BEND2: variants seen among roughly 807,000 people sequenced by gnomAD.
The protein encoded by BEND2 is BEN domain-containing protein 2.
In BEND2, 19 loss-of-function variants were observed where a neutral mutation model predicts 43.8. The observed-to-expected ratio is 0.43, with a 90% CI of 0.30 to 0.64. The LOEUF (loss-of-function observed/expected upper bound fraction) is 0.64. Ranked by LOEUF, BEND2 falls within the 30% of genes least tolerant of loss-of-function variation. BEND2 has a pLI of 0.11. For synonymous variants in BEND2, 226 were observed against 210.1 expected (o/e 1.08, Z -0.66); for missense variants, 544 against 574.0 (o/e 0.95, Z 0.53).
At chrX:18,194,716 G>GA (rs1460793524) in intron 7 of BEND2, among the ~76,000 whole-genome samples, 3 of 110,591 alleles carry the variant, frequency 2.7e-5, no homozygotes, top group East Asian at 2.8e-4. Flanking sequence ...TAAGCTGAGT[G>GA]AAAAAAAATC....
chrX:18,195,434 T>C lies in BEND2; in HGVS notation c.1042A>G (p.Ile348Val). 1 of 1,201,641 alleles carries C rather than the reference T, an allele frequency of 8.3e-7. No homozygotes were observed. The highest frequency in any genetic ancestry group is 3.0e-5 in the East Asian group (1 of 33,690). Residue 348 changes from isoleucine to valine, a missense_variant, in exon 7 of 14, where the codon ATT becomes GTT. Physicochemically the swap from Ile to Val is conservative, Grantham distance 29. This residue lies in a region of BEND2 where 501 missense variants were observed against 501.6 expected (regional missense o/e 1.00). Coordinates refer to ENST00000380033, the MANE Select transcript of BEND2 (RefSeq NM_153346.5). ...GTTCCTGGCATTTCAGTAAGTATAA[T>C]TTTCTCAGCTATTGGGAAAAAAAAA... Reference protein sequence around the residue: ...VFIPPYFAEKIILTEMPGTTE... With the variant: ...VFIPPYFAEKVILTEMPGTTE...
intron 1 of BEND2, among the ~76,000 whole-genome samples, chrX:18,219,351 A>ACTT (rs1209645766): frequency 1.5e-4 from 17 of 112,912 alleles, no homozygotes; most frequent in African/African-American, 5.5e-4. Flanking sequence ...ACCACGCGGC[A>ACTT]AGGGGGCCGG....
intron 7 of BEND2, among the ~76,000 whole-genome samples, chrX:18,193,282 C>T (rs1924833449): frequency 9.0e-6 from 1 of 110,867 alleles, no homozygotes; most frequent in African/African-American, 3.3e-5. Flanking sequence ...TGCGCCACTG[C>T]ACTCCAGCCT....
chrX:18,190,742 T>A (rs1179932200), intron 8 of BEND2, among the ~76,000 whole-genome samples: 2 of 84,319 alleles, frequency 2.4e-5, no homozygotes, highest in African/African-American at 1.2e-4. Context: ...CTAAATATAC[T>A]CTCTCTCTCT....
chrX:18,200,502 CAAAAAAAAAA>C (rs397895069), intron 6 of BEND2, among the ~76,000 whole-genome samples: 1 of 38,654 alleles, frequency 2.6e-5, no homozygotes, highest in Non-Finnish European at 4.8e-5. Context: ...GACTCTGTCT[CAAAAAAAAAA>C]AAAAAAAAAA....
At chrX:18,211,737 C>T (rs1195044426) in intron 4 of BEND2, among the ~76,000 whole-genome samples, 4 of 108,750 alleles carry the variant, frequency 3.7e-5, no homozygotes, top group South Asian at 4.1e-4. Context: ...GAGCCGAGAT[C>T]GTGCCATTGC....
At chrX:18,196,906 C>A (rs901321234) in intron 6 of BEND2, among the ~76,000 whole-genome samples, 1 of 110,956 alleles carries the variant, frequency 9.0e-6, no homozygotes, top group Non-Finnish European at 1.9e-5. Context: ...TGGTGAGAAT[C>A]AAACCTATTC....
At chrX:18,185,670 T>A (rs1924546060) in intron 8 of BEND2, among the ~76,000 whole-genome samples, 1 of 109,432 alleles carries the variant, frequency 9.1e-6, no homozygotes, top group African/African-American at 3.3e-5. Flanking sequence ...CCTCAAGACA[T>A]TTAATAATCA....
chrX:18,198,691 C>A (rs1274885836), intron 6 of BEND2, among the ~76,000 whole-genome samples: 4 of 111,032 alleles, frequency 3.6e-5, no homozygotes, highest in Non-Finnish European at 7.5e-5. Flanking sequence ...ACCCAGCCAT[C>A]CCATTACTGG....
intron 4 of BEND2, among the ~76,000 whole-genome samples, chrX:18,207,353 C>T (rs1260803557): frequency 9.0e-6 from 1 of 111,602 alleles, no homozygotes; most frequent in Non-Finnish European, 1.9e-5. Flanking sequence ...TCTTTACCAA[C>T]ATGGTGATTC....
At position 18,203,483 on chromosome X, in the gene BEND2, G is replaced by A. The variant is rs1295317097; in HGVS notation, c.907+18C>T. On this transcript the variant is annotated intron_variant, in intron 5 of 13. Coordinates refer to ENST00000380033, the MANE Select transcript of BEND2 (RefSeq NM_153346.5). ...GATTGAAGAATGCTATCTGTAATAT[G>A]TGTCATTTCAAACTCACCCAAATTG... 1 of 1,185,372 alleles carries A rather than the reference G, an allele frequency of 8.4e-7. No individual in the cohort carries two copies.
At chrX:18,171,250 A>T (rs1168533783) in intron 12 of BEND2, 46 bp from the exon 13 acceptor site, 1 of 1,125,828 alleles carries the variant, frequency 8.9e-7, no homozygotes, top group African/African-American at 1.8e-5. Flanking sequence ...CAAATGTTAG[A>T]TTGCATTATT....
intron 6 of BEND2, among the ~76,000 whole-genome samples, chrX:18,200,861 C>T (rs1925121614): frequency 8.9e-6 from 1 of 112,055 alleles, no homozygotes; most frequent in Non-Finnish European, 1.9e-5. Flanking sequence ...ACTAAATACA[C>T]ACACACAAAT....
At chrX:18,174,410 T>C in intron 11 of BEND2, 152 bp from the exon 12 acceptor site, 1 of 491,902 alleles carries the variant, frequency 2.0e-6, no homozygotes, top group Non-Finnish European at 3.4e-6. Context: ...TGTGTCGCAA[T>C]ACTATCTGGA....
intron 4 of BEND2, among the ~76,000 whole-genome samples, chrX:18,204,575 T>C (rs754588315): frequency 1.8e-5 from 2 of 111,975 alleles, no homozygotes; most frequent in Non-Finnish European, 3.8e-5. Context: ...AAATAACATA[T>C]GTGAAAATGC....
intron 6 of BEND2, among the ~76,000 whole-genome samples, chrX:18,196,389 T>C (rs1190010931): frequency 9.0e-6 from 1 of 110,728 alleles, no homozygotes; most frequent in African/African-American, 3.3e-5. Context: ...AAAGCCTTTC[T>C]GGAAAAATGT....
rs1036861047 is a variant in BEND2 at position 18,164,111 on chromosome X, C to G, written c.*898G>C. The G allele has an allele frequency of 1.2e-4, 13 of 111,245 alleles. No individual in the cohort carries two copies. Among genetic ancestry groups the G allele is most frequent in the African/African-American group, 4.3e-4 (13 of 30,577 alleles). 9.2% of individuals were successfully genotyped at this position (111,245 alleles called of 1,213,427 possible). ...AATCTCGGCTCACTGCAGTCTCCAC[C>G]TCCCAGGTTCAAGTGATTCTCCTGC... On this transcript the variant is annotated 3_prime_UTR_variant, in exon 14 of 14. Coordinates refer to ENST00000380033, the MANE Select transcript of BEND2 (RefSeq NM_153346.5).
intron 4 of BEND2, among the ~76,000 whole-genome samples, chrX:18,207,270 C>T (rs370174212): frequency 3.6e-5 from 4 of 112,138 alleles, no homozygotes; most frequent in South Asian, 3.7e-4. Context: ...ACATTATATA[C>T]GGTAAGAAAC....
intron 1 of BEND2, among the ~76,000 whole-genome samples, chrX:18,219,905 GAAAACAAAAC>G (rs199724689): frequency 9.2e-6 from 1 of 108,791 alleles, no homozygotes; most frequent in African/African-American, 3.4e-5. Context: ...GACTCTGTCT[GAAAACAAAAC>G]AAAACAAAAC....
Sources: allele counts gnomAD v4.1 joint callset (sites outside exome capture counted in the v4.1 genomes callset), GRCh38; gene constraint gnomAD v4.1.1; regional missense constraint gnomAD v4.1.1; transcripts MANE v1.5; gene names NCBI Gene and HGNC (gene_info 2026-07-23, HGNC 2026-07-21).